DPYSL2: variants seen among roughly 807,000 people sequenced by gnomAD.
The protein encoded by DPYSL2 is dihydropyrimidinase-related protein 2.
In DPYSL2, 13 loss-of-function variants were observed where a neutral mutation model predicts 69.9. The ratio of observed to expected loss-of-function variants is 0.19; its 90% CI spans 0.12 to 0.30. DPYSL2 has a LOEUF of 0.30. DPYSL2 is among the 10% of genes least tolerant of loss of function. DPYSL2 has a pLI of 1.00. For missense variants in DPYSL2, 587 were observed against 918.9 expected, an observed-to-expected ratio of 0.64 and a Z score of 4.67; for synonymous variants, 326 against 359.1, an observed-to-expected ratio of 0.91 and a Z score of 1.04.
intron 3 of DPYSL2, among the ~76,000 whole-genome samples, chr8:26,600,294 C>A (rs1000500517): frequency 1.3e-5 from 2 of 152,050 alleles, no homozygotes; most frequent in African/African-American, 4.8e-5. Context: ...ATTGTGGGGT[C>A]ATGTGGTCAT....
In DPYSL2 at chr8:26,585,411, C is replaced by G. The variant is rs1186477708; in HGVS notation, c.628+1428C>G. ...CTCTGGCGTTCTCTCTGTCCTGGCC[C>G]TCAGGGTCTGAAGCATCAGGAACAG... On this transcript the variant is annotated intron_variant, in intron 3 of 13. Transcript: ENST00000521913. This position sits in a 1 kb window ranked among gnomAD's most constrained non-coding sequence, Gnocchi z 4.0. Among the ~76,000 whole-genome samples, 1 of 152,164 alleles carries G rather than the reference C, an allele frequency of 6.6e-6. No homozygotes were observed. Among genetic ancestry groups the G allele is most frequent in the East Asian group, 1.9e-4 (1 of 5,186 alleles).
At chr8:26,545,859 G>A (rs1442360835) in intron 1 of DPYSL2, among the ~76,000 whole-genome samples, 2 of 152,038 alleles carry the variant, frequency 1.3e-5, no homozygotes, top group African/African-American at 4.8e-5. Context: ...TGGGCTCTCT[G>A]TTTTCTTCCC....
chr8:26,625,384 T>C (rs1372724793), intron 4 of DPYSL2, among the ~76,000 whole-genome samples: 1 of 152,248 alleles, frequency 6.6e-6, no homozygotes, highest in Non-Finnish European at 1.5e-5. Flanking sequence ...AGACTGAATC[T>C]GCTCCAAACC....
chr8:26,581,443 G>A (rs1004256899), intron 1 of DPYSL2, among the ~76,000 whole-genome samples: 4 of 151,078 alleles, frequency 2.6e-5, no homozygotes, highest in African/African-American at 4.9e-5. Context: ...ACGTGATCTC[G>A]GTTCACTACA....
intron 1 of DPYSL2, among the ~76,000 whole-genome samples, chr8:26,578,769 G>C (rs966348248): frequency 2.6e-5 from 4 of 152,192 alleles, no homozygotes; most frequent in East Asian, 1.9e-4. Context: ...AGCCTTCTCC[G>C]GGTCCTTGGA....
Position 26,648,415 on chromosome 8 carries a change from C to T in DPYSL2, c.1596+615C>T, listed in dbSNP as rs77456008. ...GCTTAGAGATGTCCTCTCTTGTTAA[C>T]AGGACCCAGGGCAAGTCTGTTAATG... On this transcript the variant is annotated intron_variant, in intron 11 of 13. Transcript: ENST00000521913. This position sits in a 1 kb window ranked among gnomAD's most constrained non-coding sequence, Gnocchi z 4.3. Among the ~76,000 whole-genome samples the T allele has an allele frequency of 4.2e-3, 644 of 152,298 alleles. 24 individuals carry two copies. The East Asian group carries it at 0.098, about 23-fold the overall frequency.
chr8:26,552,002 C>T (rs551678785), intron 1 of DPYSL2, among the ~76,000 whole-genome samples: 46 of 152,058 alleles, frequency 3.0e-4, no homozygotes, highest in Non-Finnish European at 2.1e-4. Flanking sequence ...TTTATAGAGA[C>T]GCGGTCTGAC....
rs779134278 is a variant in DPYSL2 at position 26,652,293 on chromosome 8, C to T, written c.1633C>T (p.Arg545Cys). The change falls in exon 12 of 14, where the codon CGC (arginine) becomes TGC (cysteine). Residue 545 changes from arginine to cysteine, a missense_variant. By Grantham distance (180) the Arg-to-Cys change is radical. Transcript: ENST00000521913. The surrounding 1 kb of genome is among the most constrained non-coding windows in gnomAD (Gnocchi z 6.3). Reference sequence around the variant, plus strand: ...CAACATCTTTGAAGGCATGGAGTGCCGCGGCTCCCCACTGGTGGTCATCAG... The same window carrying T: ...CAACATCTTTGAAGGCATGGAGTGCTGCGGCTCCCCACTGGTGGTCATCAG... ...EYNIFEGMEC[R>C]GSPLVVISQG... 5.0e-6 allele frequency: 8 copies of T among 1,613,832 alleles called. No homozygotes were observed. Among genetic ancestry groups the T allele is most frequent in the East Asian group, 4.5e-5 (2 of 44,880 alleles).
chr8:26,629,980 TATAC>T (rs1211108861), intron 7 of DPYSL2, among the ~76,000 whole-genome samples: 1 of 111,854 alleles, frequency 8.9e-6, no homozygotes, highest in Non-Finnish European at 2.2e-5. Flanking sequence ...TTCACACACA[TATAC>T]ATACACACAC....
In DPYSL2 at chr8:26,571,125, C is replaced by G. The variant is rs1359647757; in HGVS notation, c.355-10844C>G. ...GTGATGCCCTGTGGTGAGTGGACCC[C>G]TCACTAGGTAGGGAGTGAGCCCTTC... On this transcript the variant is annotated intron_variant, in intron 1 of 13. Coordinates refer to ENST00000521913, the MANE Select transcript of DPYSL2 (RefSeq NM_001197293.3). This position sits in a 1 kb window ranked among gnomAD's most constrained non-coding sequence, Gnocchi z 6.1. Among the ~76,000 whole-genome samples, 1 of 152,220 alleles carries G rather than the reference C, an allele frequency of 6.6e-6. No individual in the cohort carries two copies. The highest frequency in any genetic ancestry group is 2.4e-5 in the African/African-American group (1 of 41,460).
chr8:26,609,928 T>TC lies in DPYSL2; in HGVS notation c.629-14213dup, dbSNP rs1335144879. Among the ~76,000 whole-genome samples the TC allele has an allele frequency of 6.6e-6, 1 of 152,236 alleles. No homozygotes were observed. The highest frequency in any genetic ancestry group is 1.5e-5 in the Non-Finnish European group (1 of 68,050). On this transcript the variant is annotated intron_variant, in intron 3 of 13. Coordinates refer to ENST00000521913, the MANE Select transcript of DPYSL2 (RefSeq NM_001197293.3). This position sits in a 1 kb window ranked among gnomAD's most constrained non-coding sequence, Gnocchi z 6.5. Reference sequence around the variant, plus strand: ...ACCCAGGAAGTGAAGTAGGGAGCTATCCTTCCTCACCTCCTCCCTGTCACA... The same window carrying TC: ...ACCCAGGAAGTGAAGTAGGGAGCTATCCCTTCCTCACCTCCTCCCTGTCACA...
At position 26,626,921 on chromosome 8, in the gene DPYSL2, G is replaced by A. The variant is rs947592030; in HGVS notation, c.855+243G>A. Among the ~76,000 whole-genome samples, 37 of 152,278 alleles carry A rather than the reference G, an allele frequency of 2.4e-4. No homozygotes were observed. Among genetic ancestry groups the A allele is most frequent in the African/African-American group, 8.2e-4 (34 of 41,544 alleles). ...GCCCCGCACGGCGTGTGTGGGAGCG[G>A]CACTCAGAACCTCCTTAGCAAACCT... On this transcript the variant is annotated intron_variant, in intron 5 of 13. Coordinates refer to ENST00000521913, the MANE Select transcript of DPYSL2 (RefSeq NM_001197293.3). This position sits in a 1 kb window ranked among gnomAD's most constrained non-coding sequence, Gnocchi z 4.3.
intron 7 of DPYSL2, among the ~76,000 whole-genome samples, chr8:26,633,772 A>T (rs531556237): frequency 6.6e-6 from 1 of 152,268 alleles, no homozygotes; most frequent in Non-Finnish European, 1.5e-5. Context: ...CACCACACTG[A>T]CTGGAACATC....
Position 26,647,228 on chromosome 8 carries a change from T to A in DPYSL2, c.1426-402T>A, listed in dbSNP as rs1803186877. ...CATCTTATATAAATGTAGAACAATA[T>A]CAAAACCAGGACACTGACAGTGTCA... On this transcript the variant is annotated intron_variant, in intron 10 of 13. Transcript: ENST00000521913. The surrounding 1 kb of genome is among the most constrained non-coding windows in gnomAD (Gnocchi z 5.1). 6.6e-6 allele frequency among the ~76,000 whole-genome samples: 1 copy of A among 152,168 alleles called. No individual in the cohort carries two copies. Among genetic ancestry groups the A allele is most frequent in the Non-Finnish European group, 1.5e-5 (1 of 68,038 alleles).
chr8:26,597,701 C>A lies in DPYSL2; in HGVS notation c.628+13718C>A, dbSNP rs963475884. ...GTTTTAGCCAGGATGGTCTCGATCTCCTGACCTTGTGATCCACCCGCCTCG... is the reference window on the plus strand; with the variant it reads ...GTTTTAGCCAGGATGGTCTCGATCTACTGACCTTGTGATCCACCCGCCTCG... On this transcript the variant is annotated intron_variant, in intron 3 of 13. Transcript: ENST00000521913. This position sits in a 1 kb window ranked among gnomAD's most constrained non-coding sequence, Gnocchi z 5.2. Among the ~76,000 whole-genome samples the A allele has an allele frequency of 6.6e-6, 1 of 151,758 alleles. No homozygotes were observed. Among genetic ancestry groups the A allele is most frequent in the Admixed American group, 6.6e-5 (1 of 15,240 alleles).
At position 26,653,131 on chromosome 8, in the gene DPYSL2, C is replaced by T. The variant is rs1803311630; in HGVS notation, c.1777-101C>T. 2.1e-6 allele frequency: 3 copies of T among 1,400,202 alleles called. No homozygotes were observed. The highest frequency in any genetic ancestry group is 2.2e-5 in the Admixed American group (1 of 45,922). 86.7% of individuals were successfully genotyped at this position (1,400,202 alleles called of 1,614,324 possible). A position where few individuals can be genotyped will look rare whatever the true frequency, so the allele number is the denominator to read the frequency against. ...CCACCTGTCTGTAAGGAGAGCCCTCCATCCCTAGATCTCACAGGCCCATCC... is the reference window on the plus strand; with the variant it reads ...CCACCTGTCTGTAAGGAGAGCCCTCTATCCCTAGATCTCACAGGCCCATCC... On this transcript the variant is annotated intron_variant, in intron 12 of 13. Transcript: ENST00000521913. The surrounding 1 kb of genome is among the most constrained non-coding windows in gnomAD (Gnocchi z 5.7).
chr8:26,622,151 TTC>T (rs1563413405), intron 3 of DPYSL2, among the ~76,000 whole-genome samples: 1,133 of 42,094 alleles, frequency 0.027, 36 homozygotes, highest in Non-Finnish European at 0.033. Context: ...CCTTCCTTCC[TTC>T]CTTCCCTCTC....
chr8:26,514,198 G>C lies in DPYSL2; in HGVS notation c.-128G>C. 2 of 819,688 alleles carry C rather than the reference G, an allele frequency of 2.4e-6. No individual in the cohort carries two copies. The highest frequency in any genetic ancestry group is 4.8e-5 in the South Asian group (2 of 41,424). The allele number at this position is 819,688 out of a possible 1,614,324, so 50.8% of individuals were successfully genotyped here. ...CTCGCCAGCCCTCCTTCCTTTCTGT[G>C]CACCTTGCGGTGGGCGGCGAACGGC... is the stretch of plus-strand genomic sequence containing the variant. On this transcript the variant is annotated 5_prime_UTR_variant, in exon 1 of 14. Coordinates refer to ENST00000521913, the MANE Select transcript of DPYSL2 (RefSeq NM_001197293.3). The surrounding 1 kb of genome is among the most constrained non-coding windows in gnomAD (Gnocchi z 8.4).
Position 26,655,913 on chromosome 8 carries a change from C to A in DPYSL2, c.*207C>A. ...GTTACTGATTTTGCTCATCCACTTC[C>A]CTACACATCTATGGGTATCACACCC... On this transcript the variant is annotated 3_prime_UTR_variant, in exon 14 of 14. Transcript: ENST00000521913. 1 of 458,828 alleles carries A rather than the reference C, an allele frequency of 2.2e-6. No individual in the cohort carries two copies. Among genetic ancestry groups the A allele is most frequent in the Non-Finnish European group, 3.9e-6 (1 of 256,978 alleles). 28.4% of individuals were successfully genotyped at this position (458,828 alleles called of 1,614,324 possible).
Sources: allele counts gnomAD v4.1 joint callset (sites outside exome capture counted in the v4.1 genomes callset), GRCh38; gene constraint gnomAD v4.1.1; non-coding constraint Gnocchi (gnomAD v3.1); transcripts MANE v1.5; gene names NCBI Gene and HGNC (gene_info 2026-07-23, HGNC 2026-07-21).